STAG2: variants seen among roughly 807,000 people sequenced by gnomAD.
STAG2 encodes the protein cohesin subunit SA-2.
A neutral mutation model predicts 108.1 loss-of-function variants in STAG2; 14 were observed. The observed-to-expected ratio is 0.13, with a 90% confidence interval of 0.09 to 0.20. The LOEUF (loss-of-function observed/expected upper bound fraction) is 0.20, where lower values mean the gene tolerates loss of function less well. Ranked by LOEUF, STAG2 falls within the 10% of genes least tolerant of loss-of-function variation. The pLI is 1.00. For missense variants in STAG2, 440 were observed against 940.9 expected (o/e 0.47, Z 6.96); for synonymous variants, 307 against 302.7 (o/e 1.01, Z -0.15).
chrX:123,975,549 C>T (rs1297074961), intron 1 of STAG2, among the ~76,000 whole-genome samples: 4 of 111,949 alleles, frequency 3.6e-5, no homozygotes, highest in Admixed American at 9.5e-5. Context: ...CGGCAACCTC[C>T]GCCTCCTGGG....
At chrX:124,094,409 T>G (rs2059328978) in intron 33 of STAG2, among the ~76,000 whole-genome samples, 1 of 111,742 alleles carries the variant, frequency 8.9e-6, no homozygotes, top group African/African-American at 3.2e-5. Flanking sequence ...AGGGTATATT[T>G]TGATTAATAC....
intron 34 of STAG2, among the ~76,000 whole-genome samples, chrX:124,096,782 C>T (rs779459883): frequency 5.3e-5 from 6 of 112,208 alleles, no homozygotes; most frequent in Admixed American, 1.9e-4. Flanking sequence ...CTTCTATGTA[C>T]AATTTCTACC....
intron 23 of STAG2, among the ~76,000 whole-genome samples, chrX:124,067,130 G>C (rs1385590113): frequency 9.0e-6 from 1 of 111,582 alleles, no homozygotes; most frequent in African/African-American, 3.3e-5. Context: ...TTGATAATAA[G>C]TTTGTGTTGC....
chrX:123,983,060 C>T (rs763423467), intron 1 of STAG2, among the ~76,000 whole-genome samples: 7 of 111,168 alleles, frequency 6.3e-5, no homozygotes, highest in Admixed American at 1.9e-4. Context: ...TTAAACAGTC[C>T]GTGCAGTTCC....
At chrX:124,025,737 T>C (rs1000879863) in intron 3 of STAG2, 103 bp from the exon 4 acceptor site, 1 of 511,956 alleles carries the variant, frequency 2.0e-6, no homozygotes, top group African/African-American at 2.4e-5. Context: ...TATGAAGTTT[T>C]GTAATGAGTT....
rs139183180 is a variant in STAG2, at chrX:124,033,479, A to G, written c.288+2354A>G. On this transcript the variant is annotated intron_variant, in intron 5 of 34. Coordinates refer to ENST00000371145, the MANE Select transcript of STAG2 (RefSeq NM_001042750.2). The stretch of plus-strand genomic sequence containing the variant: ...ATTTGGGCTGCTATTAAAGAAACTA[A>G]CATAGGCCAGGTGTAGCAGCTCACA... 6.1e-3 allele frequency among the ~76,000 whole-genome samples: 688 copies of G among 112,326 alleles called. 5 individuals are homozygous for G. The highest frequency in any genetic ancestry group is 0.021 in the African/African-American group (639 of 30,931).
intron 1 of STAG2, among the ~76,000 whole-genome samples, chrX:124,019,908 A>C (rs2056867402): frequency 8.9e-6 from 1 of 112,521 alleles, no homozygotes; most frequent in Non-Finnish European, 1.9e-5. Flanking sequence ...ACTGCACTCC[A>C]GTGCGGGTGA....
chrX:123,978,293 T>G (rs965233030), intron 1 of STAG2, among the ~76,000 whole-genome samples: 1 of 109,209 alleles, frequency 9.2e-6, no homozygotes. Context: ...CCATTAGCTA[T>G]TCTTCCTGAT....
At chrX:124,033,728 C>T (rs1424198642) in intron 5 of STAG2, among the ~76,000 whole-genome samples, 1 of 111,919 alleles carries the variant, frequency 8.9e-6, no homozygotes, top group Admixed American at 9.5e-5. Flanking sequence ...CACCATTGCA[C>T]TCCAGCCTGG....
At position 124,063,962 on chromosome X, in the gene STAG2, A is replaced by G; in HGVS notation, c.1936A>G (p.Ile646Val). 8.3e-7 allele frequency: 1 copy of G among 1,207,769 alleles called. No homozygotes were observed. Among genetic ancestry groups the G allele is most frequent in the Non-Finnish European group, 1.1e-6 (1 of 891,749 alleles). ...TGCACTCTGTAATGAAGAGTTCACAATCTTCAACAGAGTAGATATTTCAAG... is the reference window on the plus strand; with the variant it reads ...TGCACTCTGTAATGAAGAGTTCACAGTCTTCAACAGAGTAGATATTTCAAG... ...YHALCNEEFTIFNRVDISRSQ... is the reference protein window; with the variant it reads ...YHALCNEEFTVFNRVDISRSQ... The change falls in exon 20 of 35, where the codon ATC becomes GTC. Residue 646 changes from isoleucine (I) to valine (V), a missense_variant. This residue lies in a region of STAG2 where 337 missense variants were observed against 649.3 expected (regional missense o/e 0.52). Transcript: ENST00000371145.
chrX:124,094,331 A>G (rs187119854), intron 33 of STAG2, among the ~76,000 whole-genome samples, 187 bp downstream of exon 33: 92 of 111,666 alleles, frequency 8.2e-4, no homozygotes, highest in Non-Finnish European at 1.5e-3. Flanking sequence ...AAGGTGGTAG[A>G]TCCTAGATTA....
At chrX:124,025,676 G>A (rs1440296027) in intron 3 of STAG2, among the ~76,000 whole-genome samples, 164 bp from the exon 4 acceptor site, 2 of 111,370 alleles carry the variant, frequency 1.8e-5, no homozygotes, top group Admixed American at 9.6e-5. Flanking sequence ...GTTTGGTAAC[G>A]TGCTATAGTA....
At chrX:123,975,966 A>G (rs2054597010) in intron 1 of STAG2, among the ~76,000 whole-genome samples, 1 of 112,306 alleles carries the variant, frequency 8.9e-6, no homozygotes, top group Non-Finnish European at 1.9e-5. Flanking sequence ...AGTTAGACTG[A>G]AGCAGTTTTC....
intron 24 of STAG2, among the ~76,000 whole-genome samples, chrX:124,069,087 A>T (rs1377390829): frequency 9.0e-6 from 1 of 111,721 alleles, no homozygotes; most frequent in Non-Finnish European, 1.9e-5. Context: ...ACCTTCTCTG[A>T]AATAAACATT....
chrX:124,052,679 T>C (rs1463872038), intron 13 of STAG2, among the ~76,000 whole-genome samples: 1 of 111,716 alleles, frequency 9.0e-6, no homozygotes, highest in Non-Finnish European at 1.9e-5. Flanking sequence ...TCAGTTCTTT[T>C]ATGTATACCC....
chrX:123,972,155 C>A (rs764221660), intron 1 of STAG2, among the ~76,000 whole-genome samples: 1 of 108,612 alleles, frequency 9.2e-6, no homozygotes, highest in East Asian at 2.9e-4. Context: ...AGTATCTGAT[C>A]TTAAGGAGAC....
chrX:124,081,411 A>T lies in STAG2; in HGVS notation c.2807A>T (p.Tyr936Phe). Residue 936 changes from tyrosine to phenylalanine, a missense_variant, in exon 28 of 35, where the codon TAT becomes TTT. Coordinates refer to ENST00000371145, the MANE Select transcript of STAG2 (RefSeq NM_001042750.2). Reference protein sequence around the residue: ...LFNEMIQENGYNFDRSSSTFS... With the variant: ...LFNEMIQENGFNFDRSSSTFS... ...AATGAAATGATACAAGAAAATGGCTATAATTTTGATAGATCATCCTCTACA... is the reference window on the plus strand; with the variant it reads ...AATGAAATGATACAAGAAAATGGCTTTAATTTTGATAGATCATCCTCTACA... The T allele has an allele frequency of 8.6e-7, 1 of 1,166,231 alleles. No homozygotes were observed. Among genetic ancestry groups the T allele is most frequent in the Admixed American group, 2.5e-5 (1 of 39,997 alleles).
intron 29 of STAG2, among the ~76,000 whole-genome samples, chrX:124,085,636 A>G (rs1364788172): frequency 9.1e-6 from 1 of 110,045 alleles, no homozygotes; most frequent in Non-Finnish European, 1.9e-5. Context: ...TTAGCCAGGC[A>G]TGGCAGTGTG....
Position 123,983,974 on chromosome X carries a change from C to CTTTTTTTTTTTTTTTTTTTTTTTTTTTTT in STAG2, c.-163+22139_-163+22140insTTTTTTTTTTTTTTTTTTTTTTTTTTTTT, listed in dbSNP as rs199881082. ...AAAAAGAATAATTTTCTTTTCTTTT[C>CTTTTTTTTTTTTTTTTTTTTTTTTTTTTT]TTTTTTTTTTTTTTTTTTTTTGAGA... On this transcript the variant is annotated intron_variant, in intron 1 of 34. Transcript: ENST00000371145. Among the ~76,000 whole-genome samples, 7 of 61,461 alleles carry CTTTTTTTTTTTTTTTTTTTTTTTTTTTTT rather than the reference C, an allele frequency of 1.1e-4. 1 individual carries two copies. Among genetic ancestry groups the CTTTTTTTTTTTTTTTTTTTTTTTTTTTTT allele is most frequent in the African/African-American group, 6.4e-4 (7 of 10,968 alleles). The allele number at this position is 61,461 out of a possible 115,157, so 53.4% of individuals were successfully genotyped here.
Sources: allele counts gnomAD v4.1 joint callset (sites outside exome capture counted in the v4.1 genomes callset), GRCh38; gene constraint gnomAD v4.1.1; regional missense constraint gnomAD v4.1.1; transcripts MANE v1.5; gene names NCBI Gene and HGNC (gene_info 2026-07-23, HGNC 2026-07-21).